Variants in FMN1 observed in about 807,000 individuals in gnomAD.
FMN1 encodes formin 1.
A neutral mutation model predicts 132.4 loss-of-function variants in FMN1; 110 were observed. The ratio of observed to expected loss-of-function variants is 0.83; its 90% CI spans 0.71 to 0.97. FMN1 has a LOEUF of 0.97. Ranked by LOEUF, FMN1 falls within the 50% of genes least tolerant of loss-of-function variation. FMN1 has a pLI of 0.00. For synonymous variants in FMN1, 722 were observed against 651.7 expected (o/e 1.11, Z -1.64); for missense variants, 1,792 against 1,705.3 (o/e 1.05, Z -0.90).
intron 4 of FMN1, among the ~76,000 whole-genome samples, chr15:33,125,259 A>C (rs1962943324): frequency 1.3e-5 from 2 of 152,124 alleles, no homozygotes; most frequent in African/African-American, 4.8e-5. Context: ...TCTCTCAAAG[A>C]CTCTTGTAAA....
chr15:33,032,450 G>A (rs992737528), intron 6 of FMN1, among the ~76,000 whole-genome samples: 1 of 152,108 alleles, frequency 6.6e-6, no homozygotes, highest in African/African-American at 2.4e-5. Flanking sequence ...AAAGTTAAGT[G>A]AATTATTTTC....
chr15:33,105,854 AT>A (rs1406547490), intron 4 of FMN1: 3 of 152,182 alleles, frequency 2.0e-5, no homozygotes, highest in African/African-American at 7.2e-5. Flanking sequence ...CAGGGTGCCT[AT>A]GGCATCACTC....
chr15:32,859,928 C>A (rs910367432), intron 16 of FMN1, among the ~76,000 whole-genome samples: 4 of 152,048 alleles, frequency 2.6e-5, no homozygotes, highest in East Asian at 3.9e-4. Context: ...GACCCAGCTA[C>A]ATGGGAGGCT....
intron 16 of FMN1, among the ~76,000 whole-genome samples, chr15:32,865,253 G>C (rs776901232): frequency 6.6e-6 from 1 of 152,178 alleles, no homozygotes; most frequent in Non-Finnish European, 1.5e-5. Context: ...CTTTAAATGG[G>C]TGAATTATGT....
At chr15:32,825,391 C>A (rs1447081116) in intron 17 of FMN1, among the ~76,000 whole-genome samples, 1 of 152,200 alleles carries the variant, frequency 6.6e-6, no homozygotes, top group Non-Finnish European at 1.5e-5. Flanking sequence ...TCTCAGTATG[C>A]CAAGCTCTCA....
intron 4 of FMN1, among the ~76,000 whole-genome samples, chr15:33,094,584 C>T (rs541518107): frequency 1.3e-5 from 2 of 152,316 alleles, no homozygotes; most frequent in South Asian, 4.1e-4. Context: ...ACAACAGCTC[C>T]TCAGGGTCGT....
intron 12 of FMN1, among the ~76,000 whole-genome samples, chr15:32,905,333 T>C (rs1250349648): frequency 1.3e-5 from 2 of 152,240 alleles, no homozygotes; most frequent in Non-Finnish European, 2.9e-5. Flanking sequence ...CATAACTGAA[T>C]GTTGCAACCT....
chr15:33,121,306 T>C (rs567379721), intron 4 of FMN1, among the ~76,000 whole-genome samples: 1 of 152,222 alleles, frequency 6.6e-6, no homozygotes, highest in Non-Finnish European at 1.5e-5. Flanking sequence ...CCAATTACTT[T>C]GTACCTCTGC....
intron 6 of FMN1, among the ~76,000 whole-genome samples, chr15:33,019,407 G>C (rs1054633513): frequency 6.6e-6 from 1 of 152,176 alleles, no homozygotes; most frequent in Non-Finnish European, 1.5e-5. Flanking sequence ...CCAGACTCAG[G>C]AGCCCAGCTG....
chr15:33,108,881 C>T (rs936998839), intron 4 of FMN1, among the ~76,000 whole-genome samples: 4 of 152,120 alleles, frequency 2.6e-5, no homozygotes, highest in Non-Finnish European at 5.9e-5. Flanking sequence ...TCTTTGGCCT[C>T]TGTCAGTGAC....
chr15:32,949,978 TACACACACATATATATACACATACAC>T (rs2061599041), intron 9 of FMN1, among the ~76,000 whole-genome samples: 5 of 36,182 alleles, frequency 1.4e-4, no homozygotes, highest in Admixed American at 7.0e-4. Context: ...CACATATATA[TACACACACATATATATACACATACAC>T]ATATATATAT....
At chr15:32,795,654 T>G (rs2057263726) in intron 19 of FMN1, among the ~76,000 whole-genome samples, 1 of 152,096 alleles carries the variant, frequency 6.6e-6, no homozygotes, top group Non-Finnish European at 1.5e-5. Flanking sequence ...CCAGGTCTTT[T>G]TTTACACTGC....
intron 6 of FMN1, among the ~76,000 whole-genome samples, chr15:33,049,182 T>G (rs1214451039): frequency 6.6e-6 from 1 of 152,212 alleles, no homozygotes; most frequent in Non-Finnish European, 1.5e-5. Context: ...TTTGGTCACA[T>G]TGTAACCTAA....
At chr15:32,881,079 T>G (rs1174979477) in intron 16 of FMN1, among the ~76,000 whole-genome samples, 1 of 145,534 alleles carries the variant, frequency 6.9e-6, no homozygotes, top group Non-Finnish European at 1.5e-5. Flanking sequence ...TTTTTGCATA[T>G]TTTTTGTATA....
At chr15:32,818,844 T>G (rs992748063) in intron 17 of FMN1, among the ~76,000 whole-genome samples, 1 of 151,260 alleles carries the variant, frequency 6.6e-6, no homozygotes, top group East Asian at 1.9e-4. Context: ...TCAAATATTA[T>G]GCAAACTGGA....
intron 19 of FMN1, among the ~76,000 whole-genome samples, chr15:32,787,276 A>C (rs1356416318): frequency 3.3e-5 from 5 of 152,202 alleles, no homozygotes; most frequent in Non-Finnish European, 7.3e-5. Flanking sequence ...AAATAAAACT[A>C]AGAGAAAAGA....
intron 4 of FMN1, among the ~76,000 whole-genome samples, chr15:33,151,634 C>T (rs577327973): frequency 6.6e-6 from 1 of 152,188 alleles, no homozygotes; most frequent in Non-Finnish European, 1.5e-5. Flanking sequence ...ATTTAATGCA[C>T]AGTTTCTGCA....
intron 4 of FMN1, among the ~76,000 whole-genome samples, chr15:33,126,651 C>T (rs1317333565): frequency 1.3e-5 from 2 of 152,188 alleles, no homozygotes. Flanking sequence ...GTTGCAAATC[C>T]TGGCAGCATG....
chr15:32,819,538 G>GATA (rs2058152156), intron 17 of FMN1, among the ~76,000 whole-genome samples: 2 of 152,284 alleles, frequency 1.3e-5, no homozygotes, highest in Non-Finnish European at 2.9e-5. Flanking sequence ...GACAGTTTCT[G>GATA]TCAGAAAGTT....
Sources: allele counts gnomAD v4.1 joint callset (sites outside exome capture counted in the v4.1 genomes callset), GRCh38; gene constraint gnomAD v4.1.1; transcripts MANE v1.5; gene names NCBI Gene and HGNC (gene_info 2026-07-23, HGNC 2026-07-21).